Variants in TP63 observed in about 807,000 individuals in gnomAD.
TP63 encodes tumor protein 63.
TP63 carries 17 observed loss-of-function variants against 82.8 expected under a neutral mutation model. That is an observed-to-expected ratio of 0.21 (90% CI 0.14 to 0.31). The LOEUF is 0.31. Ranked by LOEUF, TP63 falls within the 10% of genes least tolerant of loss-of-function variation. TP63 has a pLI of 1.00. For synonymous variants in TP63, 330 were observed against 321.7 expected (o/e 1.03, Z -0.28); for missense variants, 648 against 895.3 (o/e 0.72, Z 3.52).
At chr3:189,662,475 A>G (rs914999664) in intron 1 of TP63, among the ~76,000 whole-genome samples, 3 of 151,874 alleles carry the variant, frequency 2.0e-5, no homozygotes, top group Non-Finnish European at 4.4e-5. Flanking sequence ...GAGACTTGCT[A>G]TATGGTTAAG....
chr3:189,841,062 C>T (rs1714042396), intron 4 of TP63, among the ~76,000 whole-genome samples: 1 of 151,524 alleles, frequency 6.6e-6, no homozygotes, highest in Admixed American at 6.6e-5. Context: ...ATACTTTGTC[C>T]CCACCTTTTC....
chr3:189,777,125 T>C (rs1321758856), intron 3 of TP63, among the ~76,000 whole-genome samples: 1 of 152,216 alleles, frequency 6.6e-6, no homozygotes, highest in Non-Finnish European at 1.5e-5. Context: ...TATTCCAACA[T>C]GTCTTTCCTA....
At chr3:189,690,132 T>A (rs1716801751) in intron 1 of TP63, among the ~76,000 whole-genome samples, 1 of 152,162 alleles carries the variant, frequency 6.6e-6, no homozygotes, top group African/African-American at 2.4e-5. Flanking sequence ...GAAAAATCGC[T>A]TTTTCTTTTC....
chr3:189,855,672 A>G (rs998407394), intron 4 of TP63, among the ~76,000 whole-genome samples: 1 of 151,986 alleles, frequency 6.6e-6, no homozygotes, highest in African/African-American at 2.4e-5. Flanking sequence ...CCGTCTTTGT[A>G]TTATATGCCC....
chr3:189,862,697 A>G (rs1316317861), intron 4 of TP63, among the ~76,000 whole-genome samples: 2 of 152,228 alleles, frequency 1.3e-5, no homozygotes, highest in Non-Finnish European at 2.9e-5. Context: ...AATAAAAGGA[A>G]GTTCTTAACA....
At chr3:189,890,142 G>T (rs1469674814) in intron 12 of TP63, among the ~76,000 whole-genome samples, 1 of 152,130 alleles carries the variant, frequency 6.6e-6, no homozygotes, top group Non-Finnish European at 1.5e-5. Context: ...CAGAATGATT[G>T]TTTCATTTGG....
At chr3:189,781,694 C>A (rs1432891471) in intron 3 of TP63, among the ~76,000 whole-genome samples, 1 of 152,100 alleles carries the variant, frequency 6.6e-6, no homozygotes, top group Non-Finnish European at 1.5e-5. Flanking sequence ...GCATCTCCTG[C>A]CCAACCTATT....
chr3:189,606,864 A>C, the TP63 span, among the ~76,000 whole-genome samples: 4 of 152,044 alleles, frequency 2.6e-5, no homozygotes, highest in African/African-American at 7.2e-5. Context: ...CTTCATTGGG[A>C]GGGCTGGGTG....
intron 4 of TP63, among the ~76,000 whole-genome samples, chr3:189,808,739 G>T (rs1283835171): frequency 6.6e-6 from 1 of 152,232 alleles, no homozygotes; most frequent in Non-Finnish European, 1.5e-5. Context: ...GTTCTAGCCA[G>T]CTCCTGGCAA....
chr3:189,743,439 T>A (rs1417624275), intron 3 of TP63, among the ~76,000 whole-genome samples: 1 of 152,170 alleles, frequency 6.6e-6, no homozygotes, highest in Non-Finnish European at 1.5e-5. Flanking sequence ...CCCTTTGGCC[T>A]GTAAGTTCCA....
chr3:189,876,639 G>A (rs1719260784), intron 10 of TP63, among the ~76,000 whole-genome samples: 2 of 152,092 alleles, frequency 1.3e-5, no homozygotes, highest in Non-Finnish European at 2.9e-5. Flanking sequence ...GCAAAATATA[G>A]ACATTTGGTC....
chr3:189,721,514 T>C (rs892309924), intron 1 of TP63, among the ~76,000 whole-genome samples: 1 of 151,930 alleles, frequency 6.6e-6, no homozygotes, highest in African/African-American at 2.4e-5. Context: ...ATTGGAAATA[T>C]TAACTGGGTG....
chr3:189,786,438 C>T (rs978499769), intron 3 of TP63, among the ~76,000 whole-genome samples: 4 of 125,086 alleles, frequency 3.2e-5, no homozygotes, highest in Non-Finnish European at 5.0e-5. Context: ...AAAGACCAGA[C>T]ATACCTAAAC....
At chr3:189,628,947 A>G (rs1247886413), upstream of TP63, among the ~76,000 whole-genome samples, 1 of 152,128 alleles carries the variant, frequency 6.6e-6, no homozygotes, top group African/African-American at 2.4e-5. Flanking sequence ...ATAATTACTT[A>G]TTTAAAATTT....
intron 4 of TP63, among the ~76,000 whole-genome samples, chr3:189,847,232 C>T (rs1028223822): frequency 1.3e-5 from 2 of 152,088 alleles, no homozygotes; most frequent in African/African-American, 4.8e-5. Context: ...GTGGCGGGCG[C>T]CTGTAATCCC....
rs1577213716 is a variant in TP63 at position 189,894,328 on chromosome 3, C to G, written c.1869C>G (p.Ala623=). The G allele has an allele frequency of 6.2e-7, 1 of 1,614,000 alleles. No homozygotes were observed. The highest frequency in any genetic ancestry group is 1.1e-5 in the South Asian group (1 of 91,060). The change falls in exon 14 of 14, where the codon GCC becomes GCG. Residue 623 remains alanine, a synonymous_variant. Transcript: ENST00000264731. ...PSHLLRTPSS[A]STVSVGSSET... is the part of the protein sequence containing the mutation. ...ATCTCCTGCGGACCCCAAGCAGTGC[C>G]TCTACAGTCAGTGTGGGCTCCAGTG... is the stretch of plus-strand genomic sequence containing the variant.
intron 1 of TP63, among the ~76,000 whole-genome samples, chr3:189,675,718 C>T (rs1040170373): frequency 1.3e-5 from 2 of 152,082 alleles, no homozygotes; most frequent in Admixed American, 6.6e-5. Context: ...CCCCCTCACC[C>T]ACCACTGTGC....
intron 1 of TP63, among the ~76,000 whole-genome samples, chr3:189,657,997 G>A (rs1287863185): frequency 6.6e-6 from 1 of 151,980 alleles, no homozygotes; most frequent in Non-Finnish European, 1.5e-5. Context: ...TACTACCAGA[G>A]CTTCTTGGAA....
intron 1 of TP63, among the ~76,000 whole-genome samples, chr3:189,690,444 T>A (rs1716827712): frequency 6.6e-6 from 1 of 152,218 alleles, no homozygotes; most frequent in Admixed American, 6.5e-5. Context: ...TTAAAACAAG[T>A]AATTCCTTCT....
Sources: allele counts gnomAD v4.1 joint callset (sites outside exome capture counted in the v4.1 genomes callset), GRCh38; gene constraint gnomAD v4.1.1; transcripts MANE v1.5; gene names NCBI Gene and HGNC (gene_info 2026-07-23, HGNC 2026-07-21).